GLI2: variants seen among roughly 807,000 people sequenced by gnomAD.
GLI2 encodes transcription activator GLI2.
GLI2 carries 22 observed loss-of-function variants against 78.9 expected under a neutral mutation model. That is an observed-to-expected ratio of 0.28 (90% CI 0.20 to 0.40). The LOEUF (loss-of-function observed/expected upper bound fraction) is 0.40. Ranked by LOEUF, GLI2 falls within the 10% of genes least tolerant of loss-of-function variation. The pLI, the probability that GLI2 is intolerant of heterozygous loss-of-function variation, is 1.00. For missense variants in GLI2, 2,097 were observed against 2,213.2 expected, an observed-to-expected ratio of 0.95 and a Z score of 1.05; for synonymous variants, 974 against 963.7, an observed-to-expected ratio of 1.01 and a Z score of -0.20.
chr2:120,775,430 C>G (rs80166584), intron 1 of GLI2, among the ~76,000 whole-genome samples: 2,376 of 152,296 alleles, frequency 0.016, 56 homozygotes, highest in African/African-American at 0.053. Flanking sequence ...GGTGGTGTCA[C>G]GTGTGCCTGC....
intron 2 of GLI2, among the ~76,000 whole-genome samples, chr2:120,924,497 A>G (rs1679562428): frequency 6.6e-6 from 1 of 152,020 alleles, no homozygotes; most frequent in South Asian, 2.1e-4. Flanking sequence ...TAGTAACACT[A>G]GTTGCATCAG....
chr2:120,852,210 G>T (rs1687437753), intron 2 of GLI2, among the ~76,000 whole-genome samples: 1 of 152,186 alleles, frequency 6.6e-6, no homozygotes. Flanking sequence ...TCAGGAGTTG[G>T]AGAGAGGAGG....
intron 2 of GLI2, among the ~76,000 whole-genome samples, chr2:120,854,042 T>TG (rs72533775): frequency 5.2e-3 from 492 of 94,030 alleles, no homozygotes; most frequent in African/African-American, 0.025. Flanking sequence ...CTATTGTGTA[T>TG]CGGGGCTATA....
chr2:120,870,377 CAT>C (rs1424131475), intron 2 of GLI2, among the ~76,000 whole-genome samples: 4 of 152,302 alleles, frequency 2.6e-5, no homozygotes, highest in Admixed American at 1.3e-4. Context: ...CAGGAGAAAA[CAT>C]TCTCCTCCAT....
intron 1 of GLI2, among the ~76,000 whole-genome samples, chr2:120,748,574 C>A (rs1040499011): frequency 6.6e-6 from 1 of 152,144 alleles, no homozygotes; most frequent in African/African-American, 2.4e-5. Flanking sequence ...TGTGGTCCCC[C>A]CGGATGACTC....
intron 1 of GLI2, among the ~76,000 whole-genome samples, chr2:120,772,502 T>C (rs1683551911): frequency 6.6e-6 from 1 of 152,202 alleles, no homozygotes; most frequent in South Asian, 2.1e-4. Flanking sequence ...GGGAATGTTT[T>C]AACTCTGAGT....
chr2:120,886,760 G>T (rs887504884), intron 2 of GLI2, among the ~76,000 whole-genome samples: 3 of 152,212 alleles, frequency 2.0e-5, no homozygotes, highest in African/African-American at 7.2e-5. Context: ...GCCCCAAGCC[G>T]CACCTGGTGG....
Position 120,960,450 on chromosome 2 carries a change from G to A in GLI2, c.643+5020G>A, listed in dbSNP as rs76231794. On this transcript the variant is annotated intron_variant, in intron 5 of 13. Transcript: ENST00000361492. ...TGCAGGGCCTTGTCCCCAGTACACC[G>A]GTTTGCAAACCACCAGCCCAGTTTT... Among the ~76,000 whole-genome samples, 1,322 of 152,284 alleles carry A rather than the reference G, an allele frequency of 8.7e-3. 17 individuals are homozygous for A. Among genetic ancestry groups the A allele is most frequent in the African/African-American group, 0.028 (1,170 of 41,550 alleles).
chr2:120,929,923 T>C (rs4848128), intron 3 of GLI2, among the ~76,000 whole-genome samples: 146,012 of 152,306 alleles, frequency 0.96, 70,032 homozygotes, highest in East Asian at 1. Context: ...CAGTCAGTGG[T>C]GTCTGAGACT....
intron 2 of GLI2, among the ~76,000 whole-genome samples, chr2:120,818,535 G>T (rs1329330073): frequency 6.6e-6 from 1 of 152,202 alleles, no homozygotes; most frequent in African/African-American, 2.4e-5. Context: ...TACCGAGTAG[G>T]TGCTGGGCAC....
At chr2:120,926,451 T>G (rs1679681153) in intron 2 of GLI2, among the ~76,000 whole-genome samples, 1 of 152,188 alleles carries the variant, frequency 6.6e-6, no homozygotes, top group Non-Finnish European at 1.5e-5. Flanking sequence ...TTTAAAATAT[T>G]CAGAAATCCA....
chr2:120,972,627 A>G (rs780188885), intron 8 of GLI2: 2 of 518,798 alleles, frequency 3.9e-6, no homozygotes, highest in Admixed American at 3.9e-5. Context: ...AGGTGGCGCT[A>G]TGGGAGAAGT....
At chr2:120,951,560 C>A in intron 4 of GLI2, 115 bp downstream of exon 4, 1 of 677,242 alleles carries the variant, frequency 1.5e-6, no homozygotes, top group Non-Finnish European at 2.5e-6. Flanking sequence ...GAATGGTGAC[C>A]AGGCTGGCTG....
Position 120,991,220 on chromosome 2 carries a change from A to C in GLI2, c.*545A>C, listed in dbSNP as rs1374980655. The C allele has an allele frequency of 6.5e-6, 1 of 154,658 alleles. No homozygotes were observed. The highest frequency in any genetic ancestry group is 1.4e-5 in the Non-Finnish European group (1 of 69,672). 9.6% of individuals were successfully genotyped at this position (154,658 alleles called of 1,614,324 possible). On this transcript the variant is annotated 3_prime_UTR_variant, in exon 14 of 14. Transcript: ENST00000361492. ...TTGTCATAGAGGAAAAGCACAGATTATACCTGGATGATTCAGGAGCACATT... is the reference window on the plus strand; with the variant it reads ...TTGTCATAGAGGAAAAGCACAGATTCTACCTGGATGATTCAGGAGCACATT...
At chr2:120,811,002 T>C (rs1017402163) in intron 2 of GLI2, among the ~76,000 whole-genome samples, 1 of 152,216 alleles carries the variant, frequency 6.6e-6, no homozygotes, top group African/African-American at 2.4e-5. Flanking sequence ...GGGCAACTTA[T>C]TGGCTAGGCC....
intron 2 of GLI2, among the ~76,000 whole-genome samples, chr2:120,924,171 G>A (rs1391211311): frequency 1.3e-5 from 2 of 152,228 alleles, no homozygotes; most frequent in African/African-American, 4.8e-5. Context: ...AGGAATCCTG[G>A]ACTGAATGCA....
intron 9 of GLI2, among the ~76,000 whole-genome samples, chr2:120,976,410 C>T (rs1009577171): frequency 7.9e-5 from 12 of 152,208 alleles, no homozygotes; most frequent in African/African-American, 2.7e-4. Context: ...TCCCAGCAAA[C>T]GAATGCAGCT....
chr2:120,751,648 G>A (rs1216127151), intron 1 of GLI2, among the ~76,000 whole-genome samples: 2 of 152,104 alleles, frequency 1.3e-5, no homozygotes, highest in African/African-American at 4.8e-5. Context: ...CCAGGCCCAC[G>A]TTGGTGTTCT....
At chr2:120,741,823 A>G (rs1006687448) in intron 1 of GLI2, among the ~76,000 whole-genome samples, 5 of 152,028 alleles carry the variant, frequency 3.3e-5, no homozygotes, top group Non-Finnish European at 7.4e-5. Flanking sequence ...CAATGGCCAC[A>G]TTGTCGCAGC....
Sources: gnomAD v4.1 joint callset for allele counts (sites outside exome capture counted in the v4.1 genomes callset) on GRCh38, gnomAD v4.1.1 for gene constraint, MANE v1.5 for transcripts, NCBI Gene and HGNC (gene_info 2026-07-23, HGNC 2026-07-21) for gene names.